The following USP10 variants were observed in gnomAD, a reference collection of about 807,000 sequenced individuals.
USP10 encodes ubiquitin carboxyl-terminal hydrolase 10.
A neutral mutation model predicts 84.5 loss-of-function variants in USP10; 22 were observed. That is an observed-to-expected ratio of 0.26 (90% CI 0.19 to 0.37). The LOEUF is 0.37. Among genes scored for constraint, USP10 ranks in the 10% least tolerant of loss-of-function variants. The probability of loss-of-function intolerance (pLI) is 1.00; values close to 1 mark genes in which losing one functional copy is unlikely to be tolerated. For missense variants in USP10, 1,019 were observed against 998.9 expected (o/e 1.02, Z -0.27); for synonymous variants, 454 against 387.6 (o/e 1.17, Z -2.01).
intron 12 of USP10, among the ~76,000 whole-genome samples, chr16:84,773,574 A>G (rs995986997): frequency 6.6e-6 from 1 of 152,196 alleles, no homozygotes; most frequent in African/African-American, 2.4e-5. Flanking sequence ...AGGCCTGCAC[A>G]CAAGAGCTGT....
rs375942583 is a variant in USP10, at chr16:84,747,948, C to T, written c.1192+2275C>T. ...TAGGTGGATGACAAGGTCAGGAGAT[C>T]GAGACCATCCTGGCTAACACGGTGA... On this transcript the variant is annotated intron_variant, in intron 4 of 13. Transcript: ENST00000219473. 3.2e-4 allele frequency among the ~76,000 whole-genome samples: 48 copies of T among 151,664 alleles called. 1 individual carries two copies. In the East Asian group the frequency reaches 4.7e-3, roughly 15 times the overall value.
intron 1 of USP10, chr16:84,709,107 G>C (rs1439305187): frequency 2.0e-5 from 3 of 152,212 alleles, no homozygotes; most frequent in Non-Finnish European, 4.4e-5. Flanking sequence ...ACTGAGGAGG[G>C]AGTGATGAGC....
At chr16:84,760,125 A>G (rs764517867) in intron 7 of USP10, 47 bp from the exon 8 acceptor site, 67 of 1,563,968 alleles carry the variant, frequency 4.3e-5, no homozygotes, top group Non-Finnish European at 5.2e-5. Context: ...TTCATCATTT[A>G]TGAGTTCATT....
chr16:84,755,064 C>T lies in USP10; in HGVS notation c.1193-3652C>T, dbSNP rs559129655. Among the ~76,000 whole-genome samples the T allele has an allele frequency of 4.0e-5, 6 of 151,770 alleles. No homozygotes were observed. In the South Asian group the frequency reaches 1.3e-3, roughly 32 times the overall value. ...TTCTTGATGGCTGTGCAATGCTTTCCTTTTAAGAGTGGAGTTAGCCTCGTC... is the reference window on the plus strand; with the variant it reads ...TTCTTGATGGCTGTGCAATGCTTTCTTTTTAAGAGTGGAGTTAGCCTCGTC... On this transcript the variant is annotated intron_variant, in intron 4 of 13. Transcript: ENST00000219473.
intron 1 of USP10, among the ~76,000 whole-genome samples, chr16:84,720,206 A>G (rs980972306): frequency 2.0e-5 from 3 of 152,118 alleles, no homozygotes; most frequent in Non-Finnish European, 4.4e-5. Context: ...TTTTTCATGG[A>G]TGTCCTTTAA....
chr16:84,745,860 GTTGT>G (rs1911169008), intron 4 of USP10, among the ~76,000 whole-genome samples, 187 bp downstream of exon 4: 2 of 152,288 alleles, frequency 1.3e-5, no homozygotes, highest in East Asian at 3.9e-4. Flanking sequence ...GGAGGAGAGG[GTTGT>G]CGTAACTTTA....
rs149862235 is a variant in USP10 at position 84,763,412 on chromosome 16, A to G, written c.1654+324A>G. ...TTCTGATGCTATACACACACTGTGT[A>G]TATATATATATGTCTTATCTGTCCA... On this transcript the variant is annotated intron_variant, in intron 9 of 13. Coordinates refer to ENST00000219473, the MANE Select transcript of USP10 (RefSeq NM_005153.3). Among the ~76,000 whole-genome samples the G allele has an allele frequency of 3.4e-3, 520 of 152,094 alleles. 3 individuals are homozygous for G. The highest frequency in any genetic ancestry group is 5.7e-3 in the Non-Finnish European group (387 of 67,914).
At chr16:84,722,248 T>A (rs576458156) in intron 1 of USP10, among the ~76,000 whole-genome samples, 1 of 152,336 alleles carries the variant, frequency 6.6e-6, no homozygotes, top group South Asian at 2.1e-4. Flanking sequence ...ACTATTTAGA[T>A]TTAGCCATGT....
At chr16:84,711,392 G>A (rs889527827) in intron 1 of USP10, among the ~76,000 whole-genome samples, 6 of 152,188 alleles carry the variant, frequency 3.9e-5, no homozygotes, top group African/African-American at 1.4e-4. Context: ...GTAACTGTGA[G>A]CATCTGATGT....
intron 1 of USP10, among the ~76,000 whole-genome samples, chr16:84,706,629 C>G (rs1368904525): frequency 6.6e-6 from 1 of 151,688 alleles, no homozygotes; most frequent in Non-Finnish European, 1.5e-5. Context: ...CAAGCTCCGC[C>G]TCCCGGGTTC....
At chr16:84,736,929 C>T (rs1302880135) in intron 2 of USP10, among the ~76,000 whole-genome samples, 3 of 152,258 alleles carry the variant, frequency 2.0e-5, no homozygotes, top group African/African-American at 7.2e-5. Flanking sequence ...GCTGGGACTA[C>T]AGGCGTCCGC....
At chr16:84,741,715 GCA>G (rs772499140) in intron 3 of USP10, among the ~76,000 whole-genome samples, 32 of 152,198 alleles carry the variant, frequency 2.1e-4, no homozygotes, top group South Asian at 1.4e-3. Flanking sequence ...CCACCAGTTT[GCA>G]CAGTTAGTGA....
intron 10 of USP10, 82 bp from the exon 11 acceptor site, chr16:84,768,111 G>A: frequency 2.2e-6 from 3 of 1,381,740 alleles, no homozygotes; most frequent in Non-Finnish European, 2.9e-6. Context: ...CTTATTTTCA[G>A]TGTTTATTCC....
At chr16:84,703,856 G>C (rs948688600) in intron 1 of USP10, among the ~76,000 whole-genome samples, 6 of 152,176 alleles carry the variant, frequency 3.9e-5, no homozygotes, top group Non-Finnish European at 7.3e-5. Flanking sequence ...ATCTCATTGA[G>C]AGCACAGCGC....
At chr16:84,743,351 A>G (rs1431641283) in intron 3 of USP10, among the ~76,000 whole-genome samples, 1 of 152,154 alleles carries the variant, frequency 6.6e-6, no homozygotes, top group East Asian at 1.9e-4. Context: ...TCTAAAGCAT[A>G]CGAAGATTCA....
At chr16:84,760,104 A>T in intron 7 of USP10, 68 bp from the exon 8 acceptor site, 1 of 1,536,404 alleles carries the variant, frequency 6.5e-7, no homozygotes, top group Non-Finnish European at 8.9e-7. Flanking sequence ...AGTTTTGATG[A>T]TGTTGCTTTT....
intron 3 of USP10, among the ~76,000 whole-genome samples, chr16:84,743,764 C>G (rs1053760028): frequency 2.0e-5 from 3 of 152,164 alleles, no homozygotes; most frequent in Admixed American, 6.5e-5. Flanking sequence ...ATACGTCTGT[C>G]TTAGCAGGAA....
chr16:84,701,446 G>C (rs1904844729), intron 1 of USP10, among the ~76,000 whole-genome samples: 1 of 151,866 alleles, frequency 6.6e-6, no homozygotes, highest in South Asian at 2.1e-4. Flanking sequence ...TAAGAGATTT[G>C]GTGTATTTAG....
chr16:84,704,635 A>G (rs750207084), intron 1 of USP10: 2 of 1,384,250 alleles, frequency 1.4e-6, no homozygotes, highest in Non-Finnish European at 1.9e-6. Flanking sequence ...TGTGTATAGT[A>G]TTTGTTTCAA....
Sources: gnomAD v4.1 joint callset for allele counts (sites outside exome capture counted in the v4.1 genomes callset) on GRCh38, gnomAD v4.1.1 for gene constraint, MANE v1.5 for transcripts, NCBI Gene and HGNC (gene_info 2026-07-23, HGNC 2026-07-21) for gene names.